The following IMMP2L variants were observed in gnomAD, a reference collection of about 807,000 sequenced individuals.
IMMP2L encodes the protein mitochondrial inner membrane protease subunit 2.
In IMMP2L, 18 loss-of-function variants were observed where a neutral mutation model predicts 19.3. The ratio of observed to expected loss-of-function variants is 0.93; its 90% CI spans 0.64 to 1.38. The LOEUF (loss-of-function observed/expected upper bound fraction) is 1.38, where lower values mean the gene tolerates loss of function less well. Ranked by LOEUF, IMMP2L falls within the 40% of genes most tolerant of loss-of-function variation. The pLI is 0.00. For synonymous variants in IMMP2L, 76 were observed against 73.0 expected, an observed-to-expected ratio of 1.04 and a Z score of -0.21; for missense variants, 233 against 218.2, an observed-to-expected ratio of 1.07 and a Z score of -0.43.
chr7:111,119,987 T>C (rs1045694555), intron 3 of IMMP2L, among the ~76,000 whole-genome samples: 1 of 152,080 alleles, frequency 6.6e-6, no homozygotes, highest in Non-Finnish European at 1.5e-5. Flanking sequence ...CAGTAAAACA[T>C]AATTTAAAAC....
intron 3 of IMMP2L, among the ~76,000 whole-genome samples, chr7:111,345,185 TC>T (rs1286465421): frequency 2.6e-5 from 4 of 152,148 alleles, no homozygotes; most frequent in Admixed American, 2.0e-4. Context: ...CCTTTATCAC[TC>T]CTGGGCAAAT....
At chr7:111,097,035 G>A (rs755397106) in intron 3 of IMMP2L, 1 of 151,822 alleles carries the variant, frequency 6.6e-6, no homozygotes, top group Non-Finnish European at 1.5e-5. Flanking sequence ...AGGAGGTGAA[G>A]CATTCCACAG....
At chr7:110,684,340 A>G (rs1792951660) in intron 5 of IMMP2L, among the ~76,000 whole-genome samples, 1 of 152,050 alleles carries the variant, frequency 6.6e-6, no homozygotes, top group African/African-American at 2.4e-5. Flanking sequence ...AAGGTTGATC[A>G]TTTTAATGGT....
At chr7:110,951,987 G>A (rs1299743862) in intron 4 of IMMP2L, among the ~76,000 whole-genome samples, 1 of 152,052 alleles carries the variant, frequency 6.6e-6, no homozygotes, top group Admixed American at 6.6e-5. Context: ...TTAAGTAACT[G>A]TTCAGGCTGA....
At chr7:111,473,640 C>G (rs981833622) in intron 3 of IMMP2L, among the ~76,000 whole-genome samples, 1 of 152,104 alleles carries the variant, frequency 6.6e-6, no homozygotes. Flanking sequence ...GAATAACTGA[C>G]AGTTGATAGT....
At chr7:110,833,121 G>T (rs894106133) in intron 5 of IMMP2L, among the ~76,000 whole-genome samples, 1 of 152,114 alleles carries the variant, frequency 6.6e-6, no homozygotes, top group African/African-American at 2.4e-5. Flanking sequence ...TCTAGAACAA[G>T]AAAAAGTGGA....
intron 4 of IMMP2L, among the ~76,000 whole-genome samples, chr7:110,946,159 T>C (rs1183900419): frequency 6.6e-6 from 1 of 152,132 alleles, no homozygotes; most frequent in Non-Finnish European, 1.5e-5. Flanking sequence ...CTGGGCCCCA[T>C]CTCCAAAGTT....
At chr7:111,159,887 T>C (rs547712980) in intron 3 of IMMP2L, among the ~76,000 whole-genome samples, 1 of 152,226 alleles carries the variant, frequency 6.6e-6, no homozygotes, top group Non-Finnish European at 1.5e-5. Context: ...TTTTTATTAC[T>C]ATGTCTTCAA....
chr7:110,859,120 G>A (rs1807115846), intron 5 of IMMP2L, among the ~76,000 whole-genome samples: 1 of 152,076 alleles, frequency 6.6e-6, no homozygotes, highest in African/African-American at 2.4e-5. Flanking sequence ...TGTTTTGATT[G>A]ATATAAAATG....
In IMMP2L at chr7:111,290,857, C is replaced by CACACACACAT. The variant is rs1472194887; in HGVS notation, c.239+196380_239+196381insATGTGTGTGT. The stretch of plus-strand genomic sequence containing the variant: ...ACACACACACACACACACACACACA[C>CACACACACAT]ATATATATATATCTAATTTTCTATC... On this transcript the variant is annotated intron_variant, in intron 3 of 5. Coordinates refer to ENST00000405709, the MANE Select transcript of IMMP2L (RefSeq NM_032549.4). Among the ~76,000 whole-genome samples, 565 of 148,648 alleles carry CACACACACAT rather than the reference C, an allele frequency of 3.8e-3. 5 individuals carry two copies. The highest frequency in any genetic ancestry group is 0.013 in the African/African-American group (512 of 40,114).
chr7:111,549,712 G>A (rs952566066), intron 1 of IMMP2L, among the ~76,000 whole-genome samples: 1 of 152,072 alleles, frequency 6.6e-6, no homozygotes, highest in Non-Finnish European at 1.5e-5. Context: ...GGCCAAGGCA[G>A]GTGGATCATC....
intron 3 of IMMP2L, among the ~76,000 whole-genome samples, chr7:111,036,585 TTAGA>T (rs1218104852): frequency 6.6e-6 from 1 of 152,128 alleles, no homozygotes; most frequent in African/African-American, 2.4e-5. Flanking sequence ...CATTCAGAAG[TTAGA>T]TAGTTTAGCC....
At chr7:110,920,178 C>A (rs1451856320) in intron 4 of IMMP2L, among the ~76,000 whole-genome samples, 2 of 152,148 alleles carry the variant, frequency 1.3e-5, no homozygotes, top group Non-Finnish European at 2.9e-5. Context: ...GACAGCCTAT[C>A]GTGGCCTGTT....
At position 111,028,617 on chromosome 7, in the gene IMMP2L, T is replaced by A. The variant is rs1827099961; in HGVS notation, c.240-65052A>T. On this transcript the variant is annotated intron_variant, in intron 3 of 5. Transcript: ENST00000405709. ...AATACACCATCAAAAGGAGATTCTC[T>A]AAAAAAATAAACTATGTTGAATTTC... 3.3e-5 allele frequency among the ~76,000 whole-genome samples: 5 copies of A among 152,090 alleles called. No homozygotes were observed. In the South Asian group the frequency reaches 1.0e-3, roughly 31 times the overall value.
At chr7:111,178,079 T>G (rs1807272532) in intron 3 of IMMP2L, among the ~76,000 whole-genome samples, 1 of 152,054 alleles carries the variant, frequency 6.6e-6, no homozygotes, top group Non-Finnish European at 1.5e-5. Context: ...CCAGCAAGCA[T>G]TTTTCTACTG....
intron 3 of IMMP2L, among the ~76,000 whole-genome samples, chr7:111,335,344 G>C (rs1283842660): frequency 1.3e-5 from 2 of 151,960 alleles, no homozygotes; most frequent in African/African-American, 4.8e-5. Context: ...AAAAAAGTCA[G>C]CCAGACAACA....
chr7:110,747,332 C>T (rs961459478), intron 5 of IMMP2L, among the ~76,000 whole-genome samples: 14 of 152,248 alleles, frequency 9.2e-5, no homozygotes, highest in African/African-American at 2.2e-4. Context: ...CAAAGAGGAG[C>T]TGGTACCATT....
chr7:111,166,394 T>A (rs1805817993), intron 3 of IMMP2L, among the ~76,000 whole-genome samples: 1 of 152,012 alleles, frequency 6.6e-6, no homozygotes, highest in African/African-American at 2.4e-5. Context: ...CTTTATTATT[T>A]ATTATATTAT....
intron 5 of IMMP2L, among the ~76,000 whole-genome samples, chr7:110,738,049 T>A (rs1349000486): frequency 2.6e-5 from 4 of 152,108 alleles, no homozygotes; most frequent in Non-Finnish European, 5.9e-5. Flanking sequence ...GGACAAAAAA[T>A]CTGCACAGCA....
Sources: allele counts gnomAD v4.1 joint callset (sites outside exome capture counted in the v4.1 genomes callset), GRCh38; gene constraint gnomAD v4.1.1; transcripts MANE v1.5; gene names NCBI Gene and HGNC (gene_info 2026-07-23, HGNC 2026-07-21).